The following MAGI1 variants were observed in gnomAD, a reference collection of about 807,000 sequenced individuals.
MAGI1 encodes the protein membrane associated guanylate kinase, WW and PDZ domain containing 1.
MAGI1 carries 58 observed loss-of-function variants against 139.9 expected under a neutral mutation model. The observed-to-expected ratio is 0.41, with a 90% confidence interval of 0.34 to 0.52. The LOEUF (loss-of-function observed/expected upper bound fraction) is 0.52. MAGI1 is among the 20% of genes least tolerant of loss of function. MAGI1 has a pLI of 0.12. For missense variants in MAGI1, 1,874 were observed against 1,901.6 expected, an observed-to-expected ratio of 0.99 and a Z score of 0.27; for synonymous variants, 812 against 737.9, an observed-to-expected ratio of 1.10 and a Z score of -1.63.
chr3:65,629,949 T>C (rs1355200941), intron 1 of MAGI1, among the ~76,000 whole-genome samples: 3 of 152,128 alleles, frequency 2.0e-5, no homozygotes, highest in African/African-American at 7.2e-5. Context: ...GTTATATATA[T>C]TTAACCACAA....
intron 1 of MAGI1, among the ~76,000 whole-genome samples, chr3:65,682,940 C>T (rs184274737): frequency 1.9e-4 from 29 of 152,084 alleles, no homozygotes; most frequent in African/African-American, 6.8e-4. Context: ...GGGATGGTTT[C>T]GGGATGAAAC....
At chr3:65,371,184 C>G (rs1941953347) in intron 18 of MAGI1, among the ~76,000 whole-genome samples, 1 of 152,294 alleles carries the variant, frequency 6.6e-6, no homozygotes, top group Non-Finnish European at 1.5e-5. Flanking sequence ...TGTTTGATAT[C>G]TTTCCATGAC....
intron 2 of MAGI1, among the ~76,000 whole-genome samples, chr3:65,606,524 T>C (rs1456531072): frequency 6.6e-6 from 1 of 150,972 alleles, no homozygotes; most frequent in Non-Finnish European, 1.5e-5. Context: ...ATTTATTTGT[T>C]TGTTTATTTT....
At chr3:65,790,635 A>C (rs1156986148) in intron 1 of MAGI1, among the ~76,000 whole-genome samples, 1 of 152,206 alleles carries the variant, frequency 6.6e-6, no homozygotes, top group Non-Finnish European at 1.5e-5. Context: ...TCAGCTGTAG[A>C]GGAAAAAAGT....
chr3:65,687,527 T>C (rs958078255), intron 1 of MAGI1: 7 of 372,458 alleles, frequency 1.9e-5, no homozygotes, highest in Middle Eastern at 9.7e-4. Flanking sequence ...CTCTTACTTT[T>C]CCCTGGTGAC....
chr3:66,021,382 C>T lies in MAGI1; in HGVS notation c.313+16614G>A, dbSNP rs148385447. Among the ~76,000 whole-genome samples, 33 of 152,244 alleles carry T rather than the reference C, an allele frequency of 2.2e-4. No homozygotes were observed. The East Asian group carries it at 6.4e-3, about 29-fold the overall frequency. On this transcript the variant is annotated intron_variant, in intron 1 of 22. Transcript: ENST00000402939. ...AAAGGTCCCTCTAAATTACTAAAAC[C>T]CTGAAGCAAGAAAATGAACTTCCAC...
At chr3:66,037,374 C>T (rs956864362) in intron 1 of MAGI1, among the ~76,000 whole-genome samples, 1 of 152,120 alleles carries the variant, frequency 6.6e-6, no homozygotes, top group Non-Finnish European at 1.5e-5. Context: ...GCAAGCACCC[C>T]TTCCCCCTCT....
chr3:65,690,467 CA>C (rs1204234803), intron 1 of MAGI1, among the ~76,000 whole-genome samples: 5 of 151,860 alleles, frequency 3.3e-5, no homozygotes, highest in Non-Finnish European at 7.4e-5. Flanking sequence ...ACTAAATATA[CA>C]ACTCTTTTTT....
intron 2 of MAGI1, among the ~76,000 whole-genome samples, chr3:65,580,493 T>C (rs1406898766): frequency 1.3e-5 from 2 of 152,192 alleles, no homozygotes; most frequent in African/African-American, 4.8e-5. Context: ...CAAACAACTT[T>C]TGCAGAATAA....
At chr3:65,702,421 C>T (rs977278524) in intron 1 of MAGI1, among the ~76,000 whole-genome samples, 2 of 152,174 alleles carry the variant, frequency 1.3e-5, no homozygotes, top group South Asian at 2.1e-4. Flanking sequence ...CCCCAGGAGA[C>T]ATCTCTCACA....
chr3:65,873,702 G>A (rs1450097063), intron 1 of MAGI1: 2 of 152,114 alleles, frequency 1.3e-5, no homozygotes, highest in Non-Finnish European at 2.9e-5. Context: ...TTCAACACAG[G>A]TGCCAAGAAA....
chr3:65,821,796 T>C (rs1246897542), intron 1 of MAGI1, among the ~76,000 whole-genome samples: 1 of 152,098 alleles, frequency 6.6e-6, no homozygotes, highest in Non-Finnish European at 1.5e-5. Flanking sequence ...GTGGGCAAAA[T>C]TTAAGACAAG....
At chr3:65,918,278 C>G (rs751797245) in intron 1 of MAGI1, among the ~76,000 whole-genome samples, 1 of 151,972 alleles carries the variant, frequency 6.6e-6, no homozygotes, top group Non-Finnish European at 1.5e-5. Flanking sequence ...TTACATAACT[C>G]TCTCAGGTCA....
chr3:65,989,662 C>T (rs1462030294), intron 1 of MAGI1, among the ~76,000 whole-genome samples: 1 of 152,148 alleles, frequency 6.6e-6, no homozygotes, highest in East Asian at 1.9e-4. Flanking sequence ...CTCAGCCTCC[C>T]GAGTAGCTGG....
intron 2 of MAGI1, among the ~76,000 whole-genome samples, chr3:65,530,958 T>C (rs941266679): frequency 2.0e-5 from 3 of 150,668 alleles, no homozygotes; most frequent in Non-Finnish European, 4.4e-5. Context: ...GTAGTTCCCA[T>C]AAATTTCTAT....
intron 14 of MAGI1, chr3:65,387,030 C>G: frequency 1.2e-6 from 1 of 862,110 alleles, no homozygotes; most frequent in Non-Finnish European, 1.9e-6. Flanking sequence ...TCCCTTCATG[C>G]CCCTTTTTTC....
At chr3:66,034,149 AC>A (rs371276851) in intron 1 of MAGI1, among the ~76,000 whole-genome samples, 1 of 137,864 alleles carries the variant, frequency 7.3e-6, no homozygotes, top group South Asian at 2.5e-4. Flanking sequence ...TTGTTACCCC[AC>A]CCCCCAACCC....
At chr3:65,487,584 C>T (rs976111209) in intron 3 of MAGI1, among the ~76,000 whole-genome samples, 4 of 152,148 alleles carry the variant, frequency 2.6e-5, no homozygotes, top group Non-Finnish European at 4.4e-5. Flanking sequence ...GCTGTAAAGT[C>T]CTACAACCGA....
intron 22 of MAGI1, among the ~76,000 whole-genome samples, chr3:65,358,789 T>C (rs529652658): frequency 1.9e-4 from 29 of 152,240 alleles, no homozygotes; most frequent in Admixed American, 1.0e-3. Flanking sequence ...TTCTAAATAC[T>C]GGGTTGGCTA....
Sources: gnomAD v4.1 joint callset for allele counts (sites outside exome capture counted in the v4.1 genomes callset) on GRCh38, gnomAD v4.1.1 for gene constraint, MANE v1.5 for transcripts, NCBI Gene and HGNC (gene_info 2026-07-23, HGNC 2026-07-21) for gene names.